The following MAN2A1 variants were observed in gnomAD, a reference collection of about 807,000 sequenced individuals.
MAN2A1 encodes mannosidase alpha class 2A member 1.
A neutral mutation model predicts 142.6 loss-of-function variants in MAN2A1; 76 were observed. The ratio of observed to expected loss-of-function variants is 0.53; its 90% CI spans 0.44 to 0.65. MAN2A1 has a LOEUF of 0.65. Ranked by LOEUF, MAN2A1 falls within the 30% of genes least tolerant of loss-of-function variation. The pLI, the probability that MAN2A1 is intolerant of heterozygous loss-of-function variation, is 0.00. For synonymous variants in MAN2A1, 559 were observed against 473.2 expected (o/e 1.18, Z -2.35); for missense variants, 1,311 against 1,365.1 (o/e 0.96, Z 0.62).
intron 12 of MAN2A1, among the ~76,000 whole-genome samples, chr5:109,809,248 A>G (rs1754255730): frequency 6.6e-6 from 1 of 152,178 alleles, no homozygotes; most frequent in Admixed American, 6.5e-5. Context: ...TAGTATTTAC[A>G]TAGAAAAGCA....
chr5:109,821,828 C>CT (rs1030813137), intron 15 of MAN2A1, among the ~76,000 whole-genome samples: 3 of 151,764 alleles, frequency 2.0e-5, no homozygotes, highest in African/African-American at 7.3e-5. Context: ...TAAAATTTTT[C>CT]TTATTGTGTC....
intron 5 of MAN2A1, among the ~76,000 whole-genome samples, chr5:109,758,570 G>C (rs746646971): frequency 6.6e-6 from 1 of 151,084 alleles, no homozygotes; most frequent in Non-Finnish European, 1.5e-5. Context: ...GTAAGAAACT[G>C]TTGTTTAATC....
intron 1 of MAN2A1, among the ~76,000 whole-genome samples, chr5:109,697,357 G>C (rs906869450): frequency 6.6e-6 from 1 of 152,168 alleles, no homozygotes; most frequent in Non-Finnish European, 1.5e-5. Flanking sequence ...CTTTCCTCCT[G>C]ATCATTTCAT....
chr5:109,825,312 A>G (rs1754727256), intron 16 of MAN2A1, among the ~76,000 whole-genome samples: 1 of 152,144 alleles, frequency 6.6e-6, no homozygotes, highest in African/African-American at 2.4e-5. Flanking sequence ...TTTTTCCTGG[A>G]GTACAACATG....
chr5:109,758,447 C>G (rs933828416), intron 5 of MAN2A1, among the ~76,000 whole-genome samples: 1 of 151,454 alleles, frequency 6.6e-6, no homozygotes, highest in Non-Finnish European at 1.5e-5. Flanking sequence ...TAGTGATTTA[C>G]AAATTTATTT....
intron 4 of MAN2A1, among the ~76,000 whole-genome samples, chr5:109,735,744 A>G (rs1300420046): frequency 3.9e-5 from 6 of 152,160 alleles, no homozygotes; most frequent in Non-Finnish European, 8.8e-5. Context: ...GAATTTTGCC[A>G]AAGTGCTTTG....
At position 109,770,548 on chromosome 5, in the gene MAN2A1, A is replaced by G. The variant is rs111700837; in HGVS notation, c.1196+7A>G. 180 of 1,611,890 alleles carry G rather than the reference A, an allele frequency of 1.1e-4. No individual in the cohort carries two copies. The African/African-American group carries it at 2.1e-3, about 19-fold the overall frequency. On this transcript the variant is annotated splice_region_variant and intron_variant, in intron 7 of 21. Coordinates refer to ENST00000261483, the MANE Select transcript of MAN2A1 (RefSeq NM_002372.4). ...CTGGAAATGTCCAAAGCAGGTATGAAAATGCGTATTTCATAAGACAACATC... is the reference window on the plus strand; with the variant it reads ...CTGGAAATGTCCAAAGCAGGTATGAGAATGCGTATTTCATAAGACAACATC...
chr5:109,789,070 C>A lies in MAN2A1; in HGVS notation c.1875+22C>A. On this transcript the variant is annotated intron_variant, in intron 11 of 21. Transcript: ENST00000261483. The stretch of plus-strand genomic sequence containing the variant: ...GATGGTTAGTAATTTCATCTATGGT[C>A]ATCATAAAAATGTGTAATTCCATTG... 5 of 1,228,126 alleles carry A rather than the reference C, an allele frequency of 4.1e-6. No individual in the cohort carries two copies. The South Asian group carries it at 5.4e-5, about 13-fold the overall frequency. The allele number at this position is 1,228,126 out of a possible 1,614,324, so 76.1% of individuals were successfully genotyped here. A position where few individuals can be genotyped will look rare whatever the true frequency, so the allele number is the denominator to read the frequency against.
chr5:109,693,050 T>C (rs1750717153), intron 1 of MAN2A1, among the ~76,000 whole-genome samples: 1 of 152,174 alleles, frequency 6.6e-6, no homozygotes, highest in South Asian at 2.1e-4. Context: ...AACAGGTCCA[T>C]GGCCCTGGGG....
At chr5:109,690,648 C>T in intron 1 of MAN2A1, 96 bp downstream of exon 1, 2 of 1,387,254 alleles carry the variant, frequency 1.4e-6, no homozygotes, top group East Asian at 2.5e-5. Flanking sequence ...CCGCCGCGGC[C>T]CCACACCCGT....
In MAN2A1 at chr5:109,718,015, A is replaced by AT. The variant is rs895252750; in HGVS notation, c.535+1759dup. ...ATCTAGATGGCTTATGGCACTGCAG[A>AT]TTTTTTTTCTCTATAAATCTCATAA... On this transcript the variant is annotated intron_variant, in intron 3 of 21. Transcript: ENST00000261483. 6.6e-5 allele frequency among the ~76,000 whole-genome samples: 10 copies of AT among 152,158 alleles called. No individual in the cohort carries two copies. In the East Asian group the frequency reaches 9.7e-4, roughly 15 times the overall value.
Position 109,690,148 on chromosome 5 carries a change from T to TG in MAN2A1, c.-265dup, listed in dbSNP as rs1210348873. On this transcript the variant is annotated 5_prime_UTR_variant, in exon 1 of 22. Transcript: ENST00000261483. ...GGCGCTGAGCTTGCGATCAAGTTTG[T>TG]GGGGGCCCCCCTTCCCAGTTGCCGG... 4.7e-6 allele frequency: 2 copies of TG among 426,310 alleles called. No homozygotes were observed. Among genetic ancestry groups the TG allele is most frequent in the Non-Finnish European group, 8.6e-6 (2 of 231,958 alleles). The allele number at this position is 426,310 out of a possible 1,614,324, so 26.4% of individuals were successfully genotyped here. A position where few individuals can be genotyped will look rare whatever the true frequency, so the allele number is the denominator to read the frequency against.
chr5:109,699,816 C>T (rs1221630733), intron 1 of MAN2A1: 1 of 155,498 alleles, frequency 6.4e-6, no homozygotes, highest in Non-Finnish European at 1.5e-5. Flanking sequence ...GATTTCGCAG[C>T]CAGATCGCCC....
intron 7 of MAN2A1, among the ~76,000 whole-genome samples, chr5:109,773,606 T>A (rs949561125): frequency 6.6e-6 from 1 of 152,146 alleles, no homozygotes; most frequent in African/African-American, 2.4e-5. Context: ...GTCAGAAAAC[T>A]AAGCATTATA....
intron 18 of MAN2A1, among the ~76,000 whole-genome samples, chr5:109,846,997 C>G (rs905571641): frequency 7.1e-5 from 9 of 126,228 alleles, no homozygotes; most frequent in Admixed American, 2.3e-4. Context: ...CCCAGTGTTG[C>G]TAAATTCAAT....
intron 10 of MAN2A1, 41 bp downstream of exon 10, chr5:109,784,967 A>C: frequency 7.1e-7 from 1 of 1,402,100 alleles, no homozygotes; most frequent in African/African-American, 1.5e-5. Context: ...AAAAATCATT[A>C]AAATTATGGG....
intron 1 of MAN2A1, among the ~76,000 whole-genome samples, chr5:109,691,992 G>C (rs1193943624): frequency 2.0e-5 from 3 of 152,136 alleles, no homozygotes; most frequent in Non-Finnish European, 4.4e-5. Context: ...CTCATTTTCA[G>C]ATTTTCCTCC....
intron 4 of MAN2A1, among the ~76,000 whole-genome samples, chr5:109,730,026 A>G (rs1751860368): frequency 6.6e-6 from 1 of 152,114 alleles, no homozygotes; most frequent in South Asian, 2.1e-4. Context: ...ACTTTGTCCC[A>G]CAAATGGAAT....
chr5:109,833,664 G>A (rs1006283851), intron 16 of MAN2A1, among the ~76,000 whole-genome samples: 1 of 144,516 alleles, frequency 6.9e-6, no homozygotes, highest in Non-Finnish European at 1.5e-5. Context: ...ACGGTGGAGA[G>A]AGAGGGAGAG....
Sources: allele counts gnomAD v4.1 joint callset (sites outside exome capture counted in the v4.1 genomes callset), GRCh38; gene constraint gnomAD v4.1.1; transcripts MANE v1.5; gene names NCBI Gene and HGNC (gene_info 2026-07-23, HGNC 2026-07-21).